LOC128092252: variants seen among roughly 807,000 people sequenced by gnomAD.
At chr15:50,686,430 C>T in the LOC128092252 span, 4 of 1,595,150 alleles carry the variant, frequency 2.5e-6, no homozygotes, top group South Asian at 4.4e-5. Flanking sequence ...GGTCCTTCGC[C>T]GCATGGAACG....
the LOC128092252 span, among the ~76,000 whole-genome samples, chr15:50,679,539 T>TA: frequency 0.012 from 276 of 22,212 alleles, 1 homozygote; most frequent in Middle Eastern, 0.025. Context: ...TATATATATA[T>TA]TTTTTTTTTT....
the LOC128092252 span, chr15:50,648,846 A>G: frequency 6.2e-7 from 1 of 1,612,362 alleles, no homozygotes; most frequent in Non-Finnish European, 8.5e-7. Context: ...GACTTGCAGT[A>G]AAACAAGCAT....
the LOC128092252 span, chr15:50,648,973 T>A: frequency 2.0e-6 from 2 of 977,582 alleles, no homozygotes; most frequent in Non-Finnish European, 2.9e-6. Context: ...CCGACAAATA[T>A]AAGCTTTAAA....
At chr15:50,678,239 C>CAAAAAAAA in the LOC128092252 span, among the ~76,000 whole-genome samples, 37 of 92,046 alleles carry the variant, frequency 4.0e-4, 3 homozygotes, top group Middle Eastern at 6.6e-3. Flanking sequence ...GACTCTCTCT[C>CAAAAAAAA]AAAAAAAAAA....
At chr15:50,661,878 A>G in the LOC128092252 span, among the ~76,000 whole-genome samples, 4 of 152,204 alleles carry the variant, frequency 2.6e-5, no homozygotes, top group Non-Finnish European at 4.4e-5. Flanking sequence ...GGAAATAACT[A>G]TATCTTAGAT....
the LOC128092252 span, among the ~76,000 whole-genome samples, chr15:50,655,528 A>G: frequency 6.6e-6 from 1 of 152,080 alleles, no homozygotes; most frequent in Non-Finnish European, 1.5e-5. Context: ...GTACAAAGAG[A>G]ATCACTCTCA....
At chr15:50,681,655 T>C in the LOC128092252 span, among the ~76,000 whole-genome samples, 2 of 152,242 alleles carry the variant, frequency 1.3e-5, no homozygotes, top group Non-Finnish European at 2.9e-5. Flanking sequence ...TGCTATATTA[T>C]TGATGACTTA....
chr15:50,654,534 G>A, the LOC128092252 span, among the ~76,000 whole-genome samples: 3 of 151,384 alleles, frequency 2.0e-5, no homozygotes, highest in East Asian at 3.8e-4. Context: ...GCAAATGTTG[G>A]AATCAGTAGA....
the LOC128092252 span, chr15:50,663,122 C>A: frequency 9.0e-7 from 1 of 1,107,796 alleles, no homozygotes; most frequent in Non-Finnish European, 1.3e-6. Context: ...ATGATAAACA[C>A]ATAAACAGTT....
the LOC128092252 span, among the ~76,000 whole-genome samples, chr15:50,675,114 AGGT>A: frequency 6.6e-6 from 1 of 152,204 alleles, no homozygotes; most frequent in African/African-American, 2.4e-5. Flanking sequence ...AAGCCGAGGC[AGGT>A]GGATCACCTG....
At chr15:50,678,508 A>C in the LOC128092252 span, among the ~76,000 whole-genome samples, 1 of 19,638 alleles carries the variant, frequency 5.1e-5, no homozygotes, top group Non-Finnish European at 3.4e-4. Flanking sequence ...CCATTCTTTA[A>C]AAAAAAAAAA....
At chr15:50,685,445 A>AGTCTGGGC in the LOC128092252 span, among the ~76,000 whole-genome samples, 1 of 152,254 alleles carries the variant, frequency 6.6e-6, no homozygotes, top group South Asian at 2.1e-4. Flanking sequence ...CGACAGAGTG[A>AGTCTGGGC]GACCCTGTCT....
the LOC128092252 span, among the ~76,000 whole-genome samples, chr15:50,654,925 C>G: frequency 5.5e-5 from 8 of 144,790 alleles, 1 homozygote; most frequent in Non-Finnish European, 1.2e-4. Flanking sequence ...GGCATGAACC[C>G]AGGATGCAGA....
At chr15:50,678,537 TATATAC>T in the LOC128092252 span, among the ~76,000 whole-genome samples, 94 of 143,988 alleles carry the variant, frequency 6.5e-4, no homozygotes, top group East Asian at 2.8e-3. Flanking sequence ...TATATATATA[TATATAC>T]ACACACACAC....
At chr15:50,684,381 C>A in the LOC128092252 span, among the ~76,000 whole-genome samples, 1 of 152,050 alleles carries the variant, frequency 6.6e-6, no homozygotes, top group African/African-American at 2.4e-5. Flanking sequence ...GTGGGGCATG[C>A]CTGTAATCCC....
chr15:50,668,823 T>C, the LOC128092252 span, among the ~76,000 whole-genome samples: 4 of 142,856 alleles, frequency 2.8e-5, no homozygotes, highest in African/African-American at 9.9e-5. Flanking sequence ...TAGATATTTG[T>C]ATAAGTGCAG....
chr15:50,654,610 G>C, the LOC128092252 span, among the ~76,000 whole-genome samples: 1 of 151,446 alleles, frequency 6.6e-6, no homozygotes. Context: ...GTCATAATGA[G>C]AGTGCACATG....
the LOC128092252 span, among the ~76,000 whole-genome samples, chr15:50,675,506 A>G: frequency 0.016 from 2,394 of 152,252 alleles, 24 homozygotes; most frequent in Non-Finnish European, 0.024. Context: ...CACTTGTTAC[A>G]CAGGAATCGG....
chr15:50,657,164 G>A, the LOC128092252 span, among the ~76,000 whole-genome samples: 1 of 151,812 alleles, frequency 6.6e-6, no homozygotes, highest in African/African-American at 2.4e-5. Flanking sequence ...TTTCTACTAA[G>A]AATACAAAAA....
Sources: allele counts gnomAD v4.1 joint callset (sites outside exome capture counted in the v4.1 genomes callset), GRCh38; gene constraint gnomAD v4.1.1; transcripts MANE v1.5.